CPEB2: variants seen among roughly 807,000 people sequenced by gnomAD.
CPEB2 encodes cytoplasmic polyadenylation element binding protein 2.
In CPEB2, 56 loss-of-function variants were observed where a neutral mutation model predicts 93.6. The ratio of observed to expected loss-of-function variants is 0.60; its 90% CI spans 0.48 to 0.75. The LOEUF is 0.75. CPEB2 is among the 30% of genes least tolerant of loss of function. The pLI is 0.00. For synonymous variants in CPEB2, 764 were observed against 586.3 expected (o/e 1.30, Z -4.38); for missense variants, 1,579 against 1,395.1 (o/e 1.13, Z -2.10).
chr4:15,047,115 C>G (rs576786096), intron 6 of CPEB2, among the ~76,000 whole-genome samples: 1 of 152,128 alleles, frequency 6.6e-6, no homozygotes, highest in African/African-American at 2.4e-5. Flanking sequence ...TTTCTAGACT[C>G]TATTATGTTC....
chr4:15,017,383 T>TA, intron 4 of CPEB2, 105 bp downstream of exon 4: 1 of 521,214 alleles, frequency 1.9e-6, no homozygotes, highest in South Asian at 3.1e-5. Flanking sequence ...ATATCCAATA[T>TA]AAAACTCTCT....
intron 6 of CPEB2, among the ~76,000 whole-genome samples, chr4:15,043,860 G>A (rs1216660851): frequency 6.6e-6 from 1 of 151,992 alleles, no homozygotes; most frequent in Admixed American, 6.6e-5. Flanking sequence ...GACAAATGAT[G>A]GAAAGGTTAA....
intron 1 of CPEB2, among the ~76,000 whole-genome samples, chr4:15,006,247 T>C (rs1311392844): frequency 2.0e-5 from 3 of 152,180 alleles, no homozygotes; most frequent in African/African-American, 7.2e-5. Context: ...AAATTGGTGC[T>C]GTAGATCAGG....
At chr4:15,033,087 G>A (rs964188551) in intron 4 of CPEB2, 74 bp from the exon 5 acceptor site, 1 of 1,028,178 alleles carries the variant, frequency 9.7e-7, no homozygotes, top group African/African-American at 1.6e-5. Flanking sequence ...CTTTGTTGTT[G>A]TTTTTTGTTT....
chr4:15,012,368 G>A (rs1468984384), intron 3 of CPEB2, among the ~76,000 whole-genome samples: 3 of 152,024 alleles, frequency 2.0e-5, no homozygotes, highest in African/African-American at 7.2e-5. Flanking sequence ...TCTGAGAATG[G>A]CTAACACACT....
At chr4:15,032,605 T>C (rs7686606) in intron 4 of CPEB2, among the ~76,000 whole-genome samples, 165 of 152,224 alleles carry the variant, frequency 1.1e-3, no homozygotes, top group African/African-American at 3.8e-3. Context: ...AGAAGTTAAA[T>C]TTTCAATAAT....
chr4:15,054,755 A>C (rs913829483), intron 8 of CPEB2, among the ~76,000 whole-genome samples: 5 of 152,186 alleles, frequency 3.3e-5, no homozygotes, highest in Non-Finnish European at 7.3e-5. Flanking sequence ...CGCATGATCA[A>C]GTCACCATCT....
At chr4:15,022,285 CA>C (rs761424717) in intron 4 of CPEB2, among the ~76,000 whole-genome samples, 27 of 152,078 alleles carry the variant, frequency 1.8e-4, no homozygotes, top group Non-Finnish European at 2.6e-4. Flanking sequence ...CAAAATAAAA[CA>C]AATACCAATA....
rs150698910 is a variant in CPEB2 at position 15,055,165 on chromosome 4, A to G, written c.2461+948A>G. ...ATTGAGAATTATAGAACCTTCACTA[A>G]TAGTTCACATAGTTTTTTAGATAAA... On this transcript the variant is annotated intron_variant, in intron 8 of 11. Transcript: ENST00000538197. Among the ~76,000 whole-genome samples the G allele has an allele frequency of 3.0e-3, 459 of 152,300 alleles. 1 individual carries two copies. Among genetic ancestry groups the G allele is most frequent in the African/African-American group, 0.01 (423 of 41,572 alleles).
intron 8 of CPEB2, among the ~76,000 whole-genome samples, chr4:15,054,441 T>A (rs1367408160): frequency 6.6e-6 from 1 of 152,202 alleles, no homozygotes; most frequent in Non-Finnish European, 1.5e-5. Context: ...ATTATGAAAT[T>A]AAGATCTATG....
At chr4:15,065,133 T>C (rs1039924494) in intron 11 of CPEB2, among the ~76,000 whole-genome samples, 3 of 152,118 alleles carry the variant, frequency 2.0e-5, no homozygotes, top group African/African-American at 7.2e-5. Flanking sequence ...ACTTTTAGGT[T>C]GTTTCTAGTT....
chr4:15,021,152 C>T (rs551660581), intron 4 of CPEB2, among the ~76,000 whole-genome samples: 4 of 152,204 alleles, frequency 2.6e-5, no homozygotes, highest in African/African-American at 9.6e-5. Flanking sequence ...TGCTATGGAT[C>T]GTGAACAGTG....
rs1166188539 is a variant in CPEB2, at chr4:15,066,542, T to C, written c.*162T>C. ...CAGCAGCCAAAACACTACAAGCCTC[T>C]TGTTTTTCACCAAAACCCTACATCT... is the stretch of plus-strand genomic sequence containing the variant. On this transcript the variant is annotated 3_prime_UTR_variant, in exon 12 of 12. Coordinates refer to ENST00000538197, the MANE Select transcript of CPEB2 (RefSeq NM_001177382.2). 1.9e-5 allele frequency: 11 copies of C among 565,768 alleles called. No individual in the cohort carries two copies. The highest frequency in any genetic ancestry group is 5.8e-5 in the East Asian group (2 of 34,740). The allele number at this position is 565,768 out of a possible 1,614,324, so 35.0% of individuals were successfully genotyped here. A position where few individuals can be genotyped will look rare whatever the true frequency, so the allele number is the denominator to read the frequency against.
At chr4:15,025,962 C>A (rs1363041056) in intron 4 of CPEB2, among the ~76,000 whole-genome samples, 1 of 152,090 alleles carries the variant, frequency 6.6e-6, no homozygotes, top group South Asian at 2.1e-4. Flanking sequence ...CTTTAAAAAT[C>A]TTTTTGTTTT....
chr4:15,018,245 T>C (rs924737156), intron 4 of CPEB2, among the ~76,000 whole-genome samples: 2 of 151,798 alleles, frequency 1.3e-5, no homozygotes, highest in African/African-American at 4.8e-5. Context: ...TAAACTTCCT[T>C]ATTGGCAGGG....
intron 4 of CPEB2, among the ~76,000 whole-genome samples, chr4:15,027,938 A>G (rs997093217): frequency 1.3e-5 from 2 of 152,220 alleles, no homozygotes; most frequent in South Asian, 2.1e-4. Flanking sequence ...TTCAACTGCT[A>G]GTAAGTGGTG....
chr4:15,041,406 T>C (rs1577431546), intron 6 of CPEB2, among the ~76,000 whole-genome samples: 1 of 109,294 alleles, frequency 9.1e-6, no homozygotes. Flanking sequence ...CTTTGATCAC[T>C]TTTTTTTTTT....
intron 6 of CPEB2, among the ~76,000 whole-genome samples, chr4:15,048,391 AT>A (rs1037232611): frequency 4.0e-5 from 6 of 150,374 alleles, no homozygotes; most frequent in Admixed American, 1.3e-4. Flanking sequence ...TATGACTTTC[AT>A]TTTTTTTTAG....
At chr4:15,023,663 C>G (rs991889579) in intron 4 of CPEB2, among the ~76,000 whole-genome samples, 1 of 151,492 alleles carries the variant, frequency 6.6e-6, no homozygotes, top group Admixed American at 6.6e-5. Flanking sequence ...TGCTATAAGT[C>G]TTATATAATG....
Sources: gnomAD v4.1 joint callset for allele counts (sites outside exome capture counted in the v4.1 genomes callset) on GRCh38, gnomAD v4.1.1 for gene constraint, MANE v1.5 for transcripts, NCBI Gene and HGNC (gene_info 2026-07-23, HGNC 2026-07-21) for gene names.